SGPP1: variants seen among roughly 807,000 people sequenced by gnomAD.
The protein encoded by SGPP1 is hSPP1.
A neutral mutation model predicts 33.0 loss-of-function variants in SGPP1; 21 were observed. That is an observed-to-expected ratio of 0.64 (90% CI 0.45 to 0.92). The LOEUF (loss-of-function observed/expected upper bound fraction) is 0.92. SGPP1 is among the 40% of genes least tolerant of loss of function. The probability of loss-of-function intolerance (pLI) is 0.00; values close to 1 mark genes in which losing one functional copy is unlikely to be tolerated. For missense variants in SGPP1, 543 were observed against 589.4 expected (o/e 0.92, Z 0.81); for synonymous variants, 239 against 241.2 (o/e 0.99, Z 0.08).
At chr14:63,701,823 A>G (rs1168599508) in intron 1 of SGPP1, among the ~76,000 whole-genome samples, 1 of 152,086 alleles carries the variant, frequency 6.6e-6, no homozygotes, top group African/African-American at 2.4e-5. Context: ...TAATCTAGGT[A>G]AGAGATAACA....
intron 1 of SGPP1, among the ~76,000 whole-genome samples, chr14:63,718,970 G>GTATA (rs1566536491): frequency 1.6e-5 from 1 of 63,576 alleles, no homozygotes; most frequent in East Asian, 5.3e-4. Context: ...TCATATATAT[G>GTATA]TATATACATA....
chr14:63,725,547 GTC>G (rs760389982), intron 1 of SGPP1, among the ~76,000 whole-genome samples: 1 of 152,162 alleles, frequency 6.6e-6, no homozygotes, highest in Non-Finnish European at 1.5e-5. Flanking sequence ...CTACTTCAAA[GTC>G]TAAAATTCTA....
chr14:63,727,254 A>T lies in SGPP1; in HGVS notation c.684+7T>A. Reference sequence around the variant, plus strand: ...CCCAGGCTGAACAGGACGAGAAGGAACCCTACCTGCCAGCGGCCATAGGTG... The same window carrying T: ...CCCAGGCTGAACAGGACGAGAAGGATCCCTACCTGCCAGCGGCCATAGGTG... On this transcript the variant is annotated splice_region_variant and intron_variant, in intron 1 of 2. Coordinates refer to ENST00000247225, the MANE Select transcript of SGPP1 (RefSeq NM_030791.4). 8 of 1,602,776 alleles carry T rather than the reference A, an allele frequency of 5.0e-6. No individual in the cohort carries two copies. Among genetic ancestry groups the T allele is most frequent in the Non-Finnish European group, 6.8e-6 (8 of 1,173,422 alleles).
chr14:63,720,904 CTTCTT>C (rs879673982), intron 1 of SGPP1, among the ~76,000 whole-genome samples: 2 of 152,184 alleles, frequency 1.3e-5, no homozygotes. Context: ...GAAATGTACT[CTTCTT>C]TTCATGTTTC....
In SGPP1 at chr14:63,686,623, T is replaced by A. The variant is rs1360369670; in HGVS notation, c.808A>T (p.Ile270Phe). Residue 270 changes from isoleucine (I) to phenylalanine (F), a missense_variant, in exon 3 of 3, where the codon ATC (isoleucine) becomes TTC (phenylalanine). By Grantham distance (21) the Ile-to-Phe change is conservative (BLOSUM62 0). Coordinates refer to ENST00000247225, the MANE Select transcript of SGPP1 (RefSeq NM_030791.4). The stretch of plus-strand genomic sequence containing the variant: ...ACAAATGGATAGAAGACAGCTAAGA[T>A]TAAAATGGTATATAGGAATCCAGCA... Reference protein sequence around the residue: ...IIAGFLYTILILAVFYPFVDL... With the variant: ...IIAGFLYTILFLAVFYPFVDL... 2 of 1,612,896 alleles carry A rather than the reference T, an allele frequency of 1.2e-6. No individual in the cohort carries two copies. The highest frequency in any genetic ancestry group is 2.7e-5 in the African/African-American group (2 of 74,898).
chr14:63,689,554 T>G (rs1416720583), intron 2 of SGPP1, among the ~76,000 whole-genome samples: 6 of 151,380 alleles, frequency 4.0e-5, no homozygotes, highest in Non-Finnish European at 8.8e-5. Context: ...CCCAGCACTT[T>G]GGGAGGCCAA....
intron 1 of SGPP1, among the ~76,000 whole-genome samples, chr14:63,708,322 C>A (rs1211753383): frequency 7.3e-6 from 1 of 137,552 alleles, no homozygotes; most frequent in Non-Finnish European, 1.5e-5. Context: ...AATGCCCCAT[C>A]TCGGTTTACT....
At chr14:63,686,693 A>G (rs1884987133) in intron 2 of SGPP1, 37 bp from the exon 3 acceptor site, 1 of 1,390,780 alleles carries the variant, frequency 7.2e-7, no homozygotes, top group African/African-American at 1.5e-5. Context: ...TTAGTATAAT[A>G]CTGAATATTT....
At chr14:63,691,594 A>C (rs1885095897) in intron 2 of SGPP1, among the ~76,000 whole-genome samples, 1 of 152,126 alleles carries the variant, frequency 6.6e-6, no homozygotes, top group African/African-American at 2.4e-5. Context: ...TTCTCCAGGA[A>C]ACCAAAAGTT....
At chr14:63,716,765 C>T (rs879440248) in intron 1 of SGPP1, among the ~76,000 whole-genome samples, 33 of 151,978 alleles carry the variant, frequency 2.2e-4, no homozygotes, top group Non-Finnish European at 3.7e-4. Context: ...ACAATCTCAG[C>T]TTACAGCAAC....
chr14:63,696,114 C>G (rs1042651401), intron 2 of SGPP1, among the ~76,000 whole-genome samples: 5 of 152,044 alleles, frequency 3.3e-5, no homozygotes, highest in African/African-American at 1.2e-4. Flanking sequence ...ATGATGAAAC[C>G]CTGTTTCTAC....
intron 1 of SGPP1, among the ~76,000 whole-genome samples, chr14:63,716,860 T>C (rs1457111348): frequency 2.0e-5 from 3 of 151,902 alleles, no homozygotes; most frequent in Non-Finnish European, 4.4e-5. Flanking sequence ...TGCCAGCTAA[T>C]TTTTGTATTT....
chr14:63,725,440 G>A (rs776376157), intron 1 of SGPP1, among the ~76,000 whole-genome samples: 3 of 152,170 alleles, frequency 2.0e-5, no homozygotes, highest in Non-Finnish European at 4.4e-5. Flanking sequence ...TGTAAAATAA[G>A]AAATTTAAAG....
chr14:63,698,439 A>C (rs1885231219), intron 2 of SGPP1, 130 bp downstream of exon 2: 1 of 479,250 alleles, frequency 2.1e-6, no homozygotes, highest in African/African-American at 2.0e-5. Context: ...TATTTTCGCA[A>C]AACAAAGTTA....
At chr14:63,707,055 A>AC in intron 1 of SGPP1, among the ~76,000 whole-genome samples, 1 of 151,528 alleles carries the variant, frequency 6.6e-6, no homozygotes, top group East Asian at 1.9e-4. Flanking sequence ...AAAAAAAAAA[A>AC]AAAAAACTGA....
At position 63,685,160 on chromosome 14, in the gene SGPP1, T is replaced by C. The variant is rs1040728556; in HGVS notation, c.*945A>G. 2 of 152,310 alleles carry C rather than the reference T, an allele frequency of 1.3e-5. No individual in the cohort carries two copies. The highest frequency in any genetic ancestry group is 4.8e-5 in the African/African-American group (2 of 41,442). The allele number at this position is 152,310 out of a possible 1,614,324, so 9.4% of individuals were successfully genotyped here. ...TTTATCCATTTAGCTTTCTAATAAA[T>C]TGGTGAGAAAGTTTAGCCCATTCCA... is the stretch of plus-strand genomic sequence containing the variant. On this transcript the variant is annotated 3_prime_UTR_variant, in exon 3 of 3. Coordinates refer to ENST00000247225, the MANE Select transcript of SGPP1 (RefSeq NM_030791.4).
intron 1 of SGPP1, among the ~76,000 whole-genome samples, chr14:63,716,435 A>G (rs1885628391): frequency 6.6e-6 from 1 of 152,090 alleles, no homozygotes; most frequent in African/African-American, 2.4e-5. Flanking sequence ...TGGAGGTTGC[A>G]GTGAGCCAAT....
At chr14:63,708,789 C>T in intron 1 of SGPP1, among the ~76,000 whole-genome samples, 1 of 152,068 alleles carries the variant, frequency 6.6e-6, no homozygotes, top group East Asian at 1.9e-4. Context: ...TATTCTAATT[C>T]ACCTCATTTT....
At position 63,686,666 on chromosome 14, in the gene SGPP1, G is replaced by T. The variant is rs756997114; in HGVS notation, c.775-10C>A. 28 of 1,562,838 alleles carry T rather than the reference G, an allele frequency of 1.8e-5. No individual in the cohort carries two copies. The East Asian group carries it at 5.4e-4, about 30-fold the overall frequency. ...ATCCAGCAATAATATCCTAGGAAAA[G>T]ATAAAAGTATCGTTGTTTAGTATAA... On this transcript the variant is annotated splice_polypyrimidine_tract_variant and intron_variant, in intron 2 of 2. Coordinates refer to ENST00000247225, the MANE Select transcript of SGPP1 (RefSeq NM_030791.4).
Sources: allele counts gnomAD v4.1 joint callset (sites outside exome capture counted in the v4.1 genomes callset), GRCh38; gene constraint gnomAD v4.1.1; transcripts MANE v1.5; gene names NCBI Gene and HGNC (gene_info 2026-07-23, HGNC 2026-07-21).